MLLT1: variants seen among roughly 807,000 people sequenced by gnomAD.
The protein encoded by MLLT1 is protein ENL.
A neutral mutation model predicts 55.1 loss-of-function variants in MLLT1; 11 were observed. That is an observed-to-expected ratio of 0.20 (90% CI 0.13 to 0.33). The LOEUF is 0.33. MLLT1 is among the 10% of genes least tolerant of loss of function. The pLI is 1.00. For missense variants in MLLT1, 536 were observed against 760.6 expected (o/e 0.70, Z 3.47); for synonymous variants, 323 against 320.1 (o/e 1.01, Z -0.10).
chr19:6,270,552 G>A lies in MLLT1; in HGVS notation c.193+27C>T, dbSNP rs2091387330. On this transcript the variant is annotated intron_variant, in intron 2 of 11. Coordinates refer to ENST00000252674, the MANE Select transcript of MLLT1 (RefSeq NM_005934.4). This position sits in a 1 kb window ranked among gnomAD's most constrained non-coding sequence, Gnocchi z 7.1. ...GTGAAGACAGATGGGTCCGTGCTGT[G>A]GGCACTCAGGGCTTGAGGCCACTCA... 1.9e-6 allele frequency: 3 copies of A among 1,595,610 alleles called. No homozygotes were observed. The highest frequency in any genetic ancestry group is 2.6e-6 in the Non-Finnish European group (3 of 1,171,118).
rs184668073 is a variant in MLLT1 at position 6,244,458 on chromosome 19, C to G, written c.277-13745G>C. 9.2e-4 allele frequency among the ~76,000 whole-genome samples: 140 copies of G among 151,966 alleles called. 2 individuals are homozygous for G. The East Asian group carries it at 0.023, about 25-fold the overall frequency. ...CTTTGACAGTCTCCCCCGCCTCTCT[C>G]AACAGTGGGCTTGGTGCATGCCGCC... On this transcript the variant is annotated intron_variant, in intron 3 of 11. Coordinates refer to ENST00000252674, the MANE Select transcript of MLLT1 (RefSeq NM_005934.4).
At chr19:6,213,869 C>G in intron 9 of MLLT1, 70 bp downstream of exon 9, 1 of 1,565,726 alleles carries the variant, frequency 6.4e-7, no homozygotes, top group South Asian at 1.1e-5. Flanking sequence ...CACAAACCCT[C>G]CTAGGACAGC....
At chr19:6,213,567 T>A (rs1342031082) in intron 10 of MLLT1, among the ~76,000 whole-genome samples, 159 bp from the exon 11 acceptor site, 1 of 151,868 alleles carries the variant, frequency 6.6e-6, no homozygotes, top group Non-Finnish European at 1.5e-5. Flanking sequence ...GCCCCTCAGC[T>A]CCAAGGCCAC....
intron 3 of MLLT1, among the ~76,000 whole-genome samples, chr19:6,246,702 C>T (rs528851220): frequency 3.9e-5 from 6 of 152,246 alleles, no homozygotes; most frequent in Non-Finnish European, 5.9e-5. Context: ...GGTAGATACA[C>T]GACTCTCTGC....
In MLLT1 at chr19:6,214,121, C is replaced by A. The variant is rs1453374778; in HGVS notation, c.1308-83G>T. 9.3e-6 allele frequency: 8 copies of A among 859,530 alleles called. No individual in the cohort carries two copies. The East Asian group carries it at 1.3e-4, about 13-fold the overall frequency. The allele number at this position is 859,530 out of a possible 1,614,324, so 53.2% of individuals were successfully genotyped here. On this transcript the variant is annotated intron_variant, in intron 8 of 11. Coordinates refer to ENST00000252674, the MANE Select transcript of MLLT1 (RefSeq NM_005934.4). ...CCCCCAGGCTCAAGCCTCTGCCCCG[C>A]ACGGAGTCGGTGCCTGAGCCCACAC...
At chr19:6,233,233 C>T (rs879680180) in intron 3 of MLLT1, among the ~76,000 whole-genome samples, 3 of 152,340 alleles carry the variant, frequency 2.0e-5, no homozygotes, top group South Asian at 2.1e-4. Flanking sequence ...TCCTGGGAGT[C>T]GGGGCCCAGC....
Position 6,270,088 on chromosome 19 carries a change from A to G in MLLT1, c.193+491T>C, listed in dbSNP as rs908670818. ...CAGGGCCCCCACGCCACAGGTGGAG[A>G]CGCTGACAGAATACACGACTGAGGC... On this transcript the variant is annotated intron_variant, in intron 2 of 11. Coordinates refer to ENST00000252674, the MANE Select transcript of MLLT1 (RefSeq NM_005934.4). The surrounding 1 kb of genome is among the most constrained non-coding windows in gnomAD (Gnocchi z 7.1). Among the ~76,000 whole-genome samples the G allele has an allele frequency of 6.6e-6, 1 of 152,096 alleles. No homozygotes were observed. Among genetic ancestry groups the G allele is most frequent in the Admixed American group, 6.5e-5 (1 of 15,276 alleles).
At chr19:6,216,716 G>C (rs2090848172) in intron 7 of MLLT1, 3 of 566,108 alleles carry the variant, frequency 5.3e-6, no homozygotes, top group African/African-American at 3.8e-5. Context: ...GAACGCCCTG[G>C]CTCCCCCACC....
chr19:6,252,808 T>A (rs2091228165), intron 3 of MLLT1, among the ~76,000 whole-genome samples: 1 of 152,148 alleles, frequency 6.6e-6, no homozygotes, highest in African/African-American at 2.4e-5. Flanking sequence ...AACCTTTGGC[T>A]AGTATTTAAA....
chr19:6,213,757 T>C lies in MLLT1; in HGVS notation c.1448A>G (p.Glu483Gly), dbSNP rs765572695. ...RRSPESCSKP[E>G]KILKKGTYDK... The stretch of plus-strand genomic sequence containing the variant: ...GTAGGTGCCCTTCTTGAGGATCTTC[T>C]CAGGCTTGCTGCAGGACTCGGGGCT... The change falls in exon 10 of 12, where the codon GAG becomes GGG. Residue 483 changes from glutamate (E) to glycine (G), a missense_variant. Around this residue, in one of 3 missense-constraint regions of MLLT1, gnomAD observed 449 missense variants for 489.0 expected, o/e 0.92. Transcript: ENST00000252674. The C allele has an allele frequency of 1.2e-6, 2 of 1,612,236 alleles. No homozygotes were observed. Among genetic ancestry groups the C allele is most frequent in the South Asian group, 2.2e-5 (2 of 91,014 alleles).
chr19:6,268,018 G>C (rs1460651375), intron 2 of MLLT1, among the ~76,000 whole-genome samples: 1 of 152,194 alleles, frequency 6.6e-6, no homozygotes, highest in Admixed American at 6.5e-5. Flanking sequence ...ACTTGGGGTG[G>C]GGAGAGGGAT....
Position 6,212,079 on chromosome 19 carries a change from T to C in MLLT1, c.*963A>G, listed in dbSNP as rs996252553. On this transcript the variant is annotated 3_prime_UTR_variant, in exon 12 of 12. Coordinates refer to ENST00000252674, the MANE Select transcript of MLLT1 (RefSeq NM_005934.4). ...AAAAGCTCATATTTTTTTCAAAGTT[T>C]GAAGACTTGAATGAAAGAGAGGAAG... 1 of 1,066,012 alleles carries C rather than the reference T, an allele frequency of 9.4e-7. No homozygotes were observed. Among genetic ancestry groups the C allele is most frequent in the African/African-American group, 1.6e-5 (1 of 61,046 alleles). 66.0% of individuals were successfully genotyped at this position (1,066,012 alleles called of 1,614,324 possible). A position where few individuals can be genotyped will look rare whatever the true frequency, so the allele number is the denominator to read the frequency against.
At chr19:6,279,234 G>C (rs1342579446) in intron 1 of MLLT1, among the ~76,000 whole-genome samples, 1 of 152,160 alleles carries the variant, frequency 6.6e-6, no homozygotes, top group Non-Finnish European at 1.5e-5. Flanking sequence ...GGGACTCTGG[G>C]AGTTTGAGGC....
At position 6,212,126 on chromosome 19, in the gene MLLT1, G is replaced by C. The variant is rs567740809; in HGVS notation, c.*916C>G. 3 of 1,066,366 alleles carry C rather than the reference G, an allele frequency of 2.8e-6. No homozygotes were observed. In the African/African-American group the frequency reaches 4.9e-5, roughly 17 times the overall value. 66.1% of individuals were successfully genotyped at this position (1,066,366 alleles called of 1,614,324 possible). ...GAAGAGGAGCCTATGGGAGGAGGCCGAGCCCCAGGGCGGCTGATGCGAGTC... is the reference window on the plus strand; with the variant it reads ...GAAGAGGAGCCTATGGGAGGAGGCCCAGCCCCAGGGCGGCTGATGCGAGTC... On this transcript the variant is annotated 3_prime_UTR_variant, in exon 12 of 12. Coordinates refer to ENST00000252674, the MANE Select transcript of MLLT1 (RefSeq NM_005934.4).
Position 6,219,930 on chromosome 19 carries a change from G to A in MLLT1, c.1111-1889C>T, listed in dbSNP as rs1318143440. Among the ~76,000 whole-genome samples, 2 of 152,202 alleles carry A rather than the reference G, an allele frequency of 1.3e-5. No individual in the cohort carries two copies. Among genetic ancestry groups the A allele is most frequent in the Non-Finnish European group, 2.9e-5 (2 of 68,034 alleles). ...GCAGGGAGGAAAAGAATCCGGAAAT[G>A]GTCTCAGCCAGAAGAGCCCTAAGGT... On this transcript the variant is annotated intron_variant, in intron 6 of 11. Coordinates refer to ENST00000252674, the MANE Select transcript of MLLT1 (RefSeq NM_005934.4). This position sits in a 1 kb window ranked among gnomAD's most constrained non-coding sequence, Gnocchi z 4.5.
Position 6,270,528 on chromosome 19 carries a change from T to G in MLLT1, c.193+51A>C. ...GGGTGGAGCCTGGCCTTGGGAGGAG[T>G]GAAGACAGATGGGTCCGTGCTGTGG... On this transcript the variant is annotated intron_variant, in intron 2 of 11. Transcript: ENST00000252674. This position sits in a 1 kb window ranked among gnomAD's most constrained non-coding sequence, Gnocchi z 7.1. The G allele has an allele frequency of 6.5e-7, 1 of 1,549,008 alleles. No homozygotes were observed. The highest frequency in any genetic ancestry group is 2.3e-5 in the East Asian group (1 of 42,850).
At chr19:6,261,333 G>A (rs1286956309) in intron 3 of MLLT1, among the ~76,000 whole-genome samples, 3 of 152,188 alleles carry the variant, frequency 2.0e-5, no homozygotes, top group Non-Finnish European at 4.4e-5. Flanking sequence ...CTCCTAGGAC[G>A]GCCGCACGCC....
At chr19:6,241,031 T>C (rs1449265868) in intron 3 of MLLT1, among the ~76,000 whole-genome samples, 3 of 152,162 alleles carry the variant, frequency 2.0e-5, no homozygotes, top group African/African-American at 7.2e-5. Context: ...AATGGCAGTT[T>C]GAAATCTGGA....
chr19:6,270,150 G>T lies in MLLT1; in HGVS notation c.193+429C>A, dbSNP rs1208497111. Among the ~76,000 whole-genome samples, 10 of 150,900 alleles carry T rather than the reference G, an allele frequency of 6.6e-5. No individual in the cohort carries two copies. ...ATCAATGACGGCCTGAGGCTTGAAG[G>T]GAGAGGGAAGACACGGAAAAGACAG... On this transcript the variant is annotated intron_variant, in intron 2 of 11. Coordinates refer to ENST00000252674, the MANE Select transcript of MLLT1 (RefSeq NM_005934.4). This position sits in a 1 kb window ranked among gnomAD's most constrained non-coding sequence, Gnocchi z 7.1.
Sources: allele counts gnomAD v4.1 joint callset (sites outside exome capture counted in the v4.1 genomes callset), GRCh38; gene constraint gnomAD v4.1.1; regional missense constraint gnomAD v4.1.1; non-coding constraint Gnocchi (gnomAD v3.1); transcripts MANE v1.5; gene names NCBI Gene and HGNC (gene_info 2026-07-23, HGNC 2026-07-21).